Variants in TAFA4 observed in about 807,000 individuals in gnomAD.
TAFA4 encodes chemokine-like protein TAFA-4.
In TAFA4, 20 loss-of-function variants were observed where a neutral mutation model predicts 21.1. The observed-to-expected ratio is 0.95, with a 90% CI of 0.67 to 1.38. The LOEUF (loss-of-function observed/expected upper bound fraction) is 1.38, where lower values mean the gene tolerates loss of function less well. Among genes scored for constraint, TAFA4 ranks in the 40% most tolerant of loss-of-function variants. The pLI is 0.00. For synonymous variants in TAFA4, 71 were observed against 67.4 expected, an observed-to-expected ratio of 1.05 and a Z score of -0.26; for missense variants, 211 against 180.9, an observed-to-expected ratio of 1.17 and a Z score of -0.95.
chr3:68,895,306 T>A (rs950408322), intron 1 of TAFA4, among the ~76,000 whole-genome samples: 1 of 152,208 alleles, frequency 6.6e-6, no homozygotes, highest in East Asian at 1.9e-4. Flanking sequence ...CCTTAATTTT[T>A]GTATTTTCAG....
intron 3 of TAFA4, among the ~76,000 whole-genome samples, chr3:68,775,630 G>T (rs11706249): frequency 0.28 from 41,902 of 152,032 alleles, 7,158 homozygotes; most frequent in Non-Finnish European, 0.39. Context: ...AAAGCTGAGG[G>T]TGAAGCAGGA....
At chr3:68,875,279 G>A (rs1575653061) in intron 3 of TAFA4, among the ~76,000 whole-genome samples, 1 of 151,658 alleles carries the variant, frequency 6.6e-6, no homozygotes, top group Non-Finnish European at 1.5e-5. Flanking sequence ...TTTGGCTGCA[G>A]GTCTGAGTAA....
Position 68,746,505 on chromosome 3 carries a change from C to T in TAFA4, c.286+6358G>A, listed in dbSNP as rs141643601. Among the ~76,000 whole-genome samples the T allele has an allele frequency of 2.4e-4, 37 of 152,206 alleles. No individual in the cohort carries two copies. The East Asian group carries it at 5.8e-3, about 24-fold the overall frequency. Reference sequence around the variant, plus strand: ...TAAAATATGCTCCAAGATTTTAACACTTTGTGTCTTCAGTTATTTCAATCC... The same window carrying T: ...TAAAATATGCTCCAAGATTTTAACATTTTGTGTCTTCAGTTATTTCAATCC... On this transcript the variant is annotated intron_variant, in intron 4 of 5. Coordinates refer to ENST00000295569, the MANE Select transcript of TAFA4 (RefSeq NM_182522.5).
intron 3 of TAFA4, among the ~76,000 whole-genome samples, chr3:68,847,354 G>A (rs1016275655): frequency 3.7e-4 from 56 of 152,318 alleles, no homozygotes; most frequent in African/African-American, 1.3e-3. Flanking sequence ...CAGTAATGAC[G>A]GATGCCCCTC....
At chr3:68,747,384 G>GT (rs71792345) in intron 4 of TAFA4, among the ~76,000 whole-genome samples, 66 of 151,046 alleles carry the variant, frequency 4.4e-4, no homozygotes, top group African/African-American at 1.2e-3. Flanking sequence ...ATGGGGGTGG[G>GT]TTTTTTTTTC....
chr3:68,799,320 C>T (rs565558973), intron 3 of TAFA4, among the ~76,000 whole-genome samples: 1 of 152,172 alleles, frequency 6.6e-6, no homozygotes, highest in East Asian at 1.9e-4. Context: ...GGAACAAAGC[C>T]CTCTCTCTGT....
intron 3 of TAFA4, among the ~76,000 whole-genome samples, chr3:68,792,709 T>C (rs893845999): frequency 1.3e-5 from 2 of 152,194 alleles, no homozygotes; most frequent in Admixed American, 1.3e-4. Context: ...GTTGCACATG[T>C]AATTTTGTAA....
chr3:68,840,375 A>AT (rs1438555950), intron 3 of TAFA4, among the ~76,000 whole-genome samples: 2 of 151,766 alleles, frequency 1.3e-5, no homozygotes, highest in Non-Finnish European at 2.9e-5. Context: ...TGCCCAACTA[A>AT]TTTTTGTATT....
chr3:68,926,483 A>G (rs2090108886), intron 1 of TAFA4, among the ~76,000 whole-genome samples: 1 of 152,238 alleles, frequency 6.6e-6, no homozygotes, highest in Non-Finnish European at 1.5e-5. Flanking sequence ...TGGCCTATGC[A>G]TCAAGATACT....
At chr3:68,789,576 T>G (rs932189199) in intron 3 of TAFA4, among the ~76,000 whole-genome samples, 4 of 152,170 alleles carry the variant, frequency 2.6e-5, no homozygotes, top group Admixed American at 2.0e-4. Context: ...TTAATAAAGC[T>G]GGGGGAGCAC....
intron 2 of TAFA4, 28 bp downstream of exon 2, chr3:68,885,147 G>A: frequency 6.2e-7 from 1 of 1,609,400 alleles, no homozygotes; most frequent in African/African-American, 1.3e-5. Context: ...AAGATATCAT[G>A]TCCAGGTGAA....
chr3:68,848,824 C>T (rs371853363), intron 3 of TAFA4, among the ~76,000 whole-genome samples: 22 of 152,128 alleles, frequency 1.4e-4, no homozygotes, highest in African/African-American at 5.3e-4. Context: ...GGAACATGCA[C>T]AGCTCCTGGT....
At chr3:68,865,443 C>G (rs1157397749) in intron 3 of TAFA4, among the ~76,000 whole-genome samples, 1 of 151,884 alleles carries the variant, frequency 6.6e-6, no homozygotes, top group Non-Finnish European at 1.5e-5. Context: ...ACTGTTTTCA[C>G]AATAGTGAGT....
intron 3 of TAFA4, among the ~76,000 whole-genome samples, chr3:68,802,168 A>G (rs1376843800): frequency 6.6e-6 from 1 of 152,232 alleles, no homozygotes; most frequent in Non-Finnish European, 1.5e-5. Context: ...TCCAATTGAT[A>G]TCACCAGTTA....
At chr3:68,876,817 GAA>G (rs1221471463) in intron 3 of TAFA4, among the ~76,000 whole-genome samples, 6 of 151,960 alleles carry the variant, frequency 3.9e-5, no homozygotes, top group African/African-American at 7.2e-5. Flanking sequence ...TTCAAAAGAA[GAA>G]GACAGCTCTA....
At chr3:68,829,849 T>C (rs1419831884) in intron 3 of TAFA4, among the ~76,000 whole-genome samples, 1 of 152,198 alleles carries the variant, frequency 6.6e-6, no homozygotes, top group African/African-American at 2.4e-5. Context: ...GTATTAATTA[T>C]TGCCTCAATT....
intron 3 of TAFA4, among the ~76,000 whole-genome samples, chr3:68,876,879 G>T (rs888058568): frequency 9.9e-5 from 15 of 152,122 alleles, no homozygotes; most frequent in African/African-American, 3.6e-4. Flanking sequence ...ACAGTTCTCA[G>T]CATTTCCCAG....
At chr3:68,854,347 T>C (rs1559544030) in intron 3 of TAFA4, among the ~76,000 whole-genome samples, 1 of 151,976 alleles carries the variant, frequency 6.6e-6, no homozygotes, top group Non-Finnish European at 1.5e-5. Flanking sequence ...CACAGGGCCT[T>C]GGAGGTCATG....
At chr3:68,871,392 C>A (rs1373441191) in intron 3 of TAFA4, among the ~76,000 whole-genome samples, 1 of 151,966 alleles carries the variant, frequency 6.6e-6, no homozygotes, top group Non-Finnish European at 1.5e-5. Flanking sequence ...AAGAACAAAG[C>A]TAGACCCCTA....
Sources: allele counts gnomAD v4.1 joint callset (sites outside exome capture counted in the v4.1 genomes callset), GRCh38; gene constraint gnomAD v4.1.1; transcripts MANE v1.5; gene names NCBI Gene and HGNC (gene_info 2026-07-23, HGNC 2026-07-21).